SSH2: variants seen among roughly 807,000 people sequenced by gnomAD.
SSH2 encodes the protein protein phosphatase Slingshot homolog 2.
Under a neutral mutation model 135.2 loss-of-function variants are expected in SSH2, and 37 were observed. The observed-to-expected ratio is 0.27, with a 90% confidence interval of 0.21 to 0.36. The LOEUF (loss-of-function observed/expected upper bound fraction) is 0.36. SSH2 is among the 10% of genes least tolerant of loss of function. The probability of loss-of-function intolerance (pLI) is 1.00; values close to 1 mark genes in which losing one functional copy is unlikely to be tolerated. For synonymous variants in SSH2, 628 were observed against 646.2 expected (o/e 0.97, Z 0.43); for missense variants, 1,408 against 1,765.3 (o/e 0.80, Z 3.63).
chr17:29,708,603 A>C (rs1195753355), intron 3 of SSH2, among the ~76,000 whole-genome samples: 3 of 151,136 alleles, frequency 2.0e-5, no homozygotes, highest in African/African-American at 4.9e-5. Context: ...AAAAAAAAAA[A>C]AAAACAAACA....
At chr17:29,828,158 C>T (rs1337971201) in intron 2 of SSH2, among the ~76,000 whole-genome samples, 3 of 152,196 alleles carry the variant, frequency 2.0e-5, no homozygotes, top group Non-Finnish European at 2.9e-5. Flanking sequence ...GTGAACCCTG[C>T]CATCACAGGA....
intron 3 of SSH2, among the ~76,000 whole-genome samples, chr17:29,706,254 TCAGA>T (rs1160716579): frequency 6.6e-6 from 1 of 152,230 alleles, no homozygotes; most frequent in Non-Finnish European, 1.5e-5. Context: ...TATAATGTTA[TCAGA>T]CATTGATTCA....
chr17:29,877,959 C>T (rs1349873218), intron 1 of SSH2, among the ~76,000 whole-genome samples: 3 of 151,764 alleles, frequency 2.0e-5, no homozygotes, highest in Admixed American at 1.3e-4. Context: ...GTGGCTTGTG[C>T]CTGTAGTCCC....
rs185954756 is a variant in SSH2 at position 29,819,979 on chromosome 17, T to C, written c.145-26042A>G. Among the ~76,000 whole-genome samples, 345 of 152,342 alleles carry C rather than the reference T, an allele frequency of 2.3e-3. 1 individual carries two copies. Among genetic ancestry groups the C allele is most frequent in the African/African-American group, 7.1e-3 (295 of 41,584 alleles). On this transcript the variant is annotated intron_variant, in intron 2 of 15. Transcript: ENST00000540801. ...AAAATATTTTCATATAAGTAAAATATAAGAAATATTTAAAAACATTTTTCC... is the reference window on the plus strand; with the variant it reads ...AAAATATTTTCATATAAGTAAAATACAAGAAATATTTAAAAACATTTTTCC...
intron 1 of SSH2, among the ~76,000 whole-genome samples, chr17:29,860,675 A>C (rs1381341357): frequency 1.4e-5 from 2 of 146,982 alleles, no homozygotes; most frequent in Non-Finnish European, 3.0e-5. Flanking sequence ...CAAGTGATCC[A>C]CCTGCCTCGG....
Position 29,636,400 on chromosome 17 carries a change from TG to T in SSH2, c.1829del (p.Pro610GlnfsTer10). On this transcript the variant is annotated frameshift_variant, in exon 15 of 16. Coordinates refer to ENST00000540801, the MANE Select transcript of SSH2 (RefSeq NM_001282129.2). LOFTEE classifies it high-confidence loss of function. Reference protein sequence around the residue: ...SKALIQPGHVPEMANKFPDLT... With the variant: ...SKALIQPGHVXEMANKFPDLT... Reference sequence around the variant, plus strand: ...AGTCTGGAAACTTGTTGGCCATTTCTGGGACATGTCCAGGCTGAATTAAGGC... The same window carrying T: ...AGTCTGGAAACTTGTTGGCCATTTCTGGACATGTCCAGGCTGAATTAAGGC... 1 of 1,614,242 alleles carries T rather than the reference TG, an allele frequency of 6.2e-7. No homozygotes were observed. The highest frequency in any genetic ancestry group is 8.5e-7 in the Non-Finnish European group (1 of 1,180,038).
At chr17:29,817,781 G>T (rs954780144) in intron 2 of SSH2, among the ~76,000 whole-genome samples, 14 of 152,016 alleles carry the variant, frequency 9.2e-5, no homozygotes, top group Admixed American at 6.6e-5. Flanking sequence ...ATTTGAGTAG[G>T]GGTCTCGTTC....
intron 11 of SSH2, among the ~76,000 whole-genome samples, chr17:29,663,437 T>A (rs2151026416): frequency 6.6e-6 from 1 of 152,322 alleles, no homozygotes; most frequent in South Asian, 2.1e-4. Context: ...GGACATAGGA[T>A]ATGGCAGTGT....
intron 14 of SSH2, among the ~76,000 whole-genome samples, chr17:29,637,735 T>C (rs1318666437): frequency 3.3e-5 from 5 of 151,930 alleles, no homozygotes; most frequent in African/African-American, 4.8e-5. Context: ...TGAGCTGAGA[T>C]TGTGCCACTG....
chr17:29,853,780 G>A (rs1328669637), intron 1 of SSH2, among the ~76,000 whole-genome samples: 1 of 151,684 alleles, frequency 6.6e-6, no homozygotes, highest in East Asian at 1.9e-4. Context: ...TGGAAAGACT[G>A]TATGAGAGAT....
chr17:29,754,502 T>C (rs1167392362), intron 3 of SSH2, among the ~76,000 whole-genome samples: 1 of 152,180 alleles, frequency 6.6e-6, no homozygotes, highest in Non-Finnish European at 1.5e-5. Flanking sequence ...TTCTAGGAAG[T>C]CAAGTTCATA....
chr17:29,761,076 G>T, intron 3 of SSH2: 1 of 1,267,722 alleles, frequency 7.9e-7, no homozygotes, highest in Non-Finnish European at 1.0e-6. Flanking sequence ...TCCCCAGGAT[G>T]CTGGGGAAAG....
chr17:29,897,555 A>T (rs2066468114), intron 1 of SSH2, among the ~76,000 whole-genome samples: 1 of 152,216 alleles, frequency 6.6e-6, no homozygotes, highest in South Asian at 2.1e-4. Context: ...TGGTAAAGGG[A>T]TCAGTTCAAC....
intron 3 of SSH2, among the ~76,000 whole-genome samples, chr17:29,789,950 A>T (rs1234582192): frequency 6.6e-6 from 1 of 152,146 alleles, no homozygotes; most frequent in East Asian, 1.9e-4. Flanking sequence ...ACCTGGTTTC[A>T]CAGGTTCACA....
At chr17:29,879,479 A>G (rs2066098047) in intron 1 of SSH2, among the ~76,000 whole-genome samples, 1 of 151,772 alleles carries the variant, frequency 6.6e-6, no homozygotes, top group East Asian at 1.9e-4. Flanking sequence ...CTGCCTCCAC[A>G]CATGCATATA....
At chr17:29,842,453 CAAAAAA>C (rs372367860) in intron 2 of SSH2, among the ~76,000 whole-genome samples, 2 of 117,788 alleles carry the variant, frequency 1.7e-5, no homozygotes, top group Non-Finnish European at 1.7e-5. Context: ...GACTCAGTGT[CAAAAAA>C]AAAAAAAAAA....
At chr17:29,785,805 CTTTTTTT>C (rs748367220) in intron 3 of SSH2, among the ~76,000 whole-genome samples, 8 of 125,114 alleles carry the variant, frequency 6.4e-5, no homozygotes, top group African/African-American at 2.4e-4. Context: ...AGTCCGTTTA[CTTTTTTT>C]TTTTTTTTTT....
chr17:29,779,472 C>A (rs2041787990), intron 3 of SSH2, among the ~76,000 whole-genome samples: 1 of 152,130 alleles, frequency 6.6e-6, no homozygotes, highest in South Asian at 2.1e-4. Flanking sequence ...GCAGATAGTT[C>A]TCTATTCTGT....
chr17:29,657,377 C>A (rs1020909684), intron 11 of SSH2, among the ~76,000 whole-genome samples: 2 of 151,880 alleles, frequency 1.3e-5, no homozygotes, highest in Non-Finnish European at 2.9e-5. Flanking sequence ...TCAAGCGATT[C>A]TCCTGCCTCA....
Sources: gnomAD v4.1 joint callset for allele counts (sites outside exome capture counted in the v4.1 genomes callset) on GRCh38, gnomAD v4.1.1 for gene constraint, MANE v1.5 for transcripts, NCBI Gene and HGNC (gene_info 2026-07-23, HGNC 2026-07-21) for gene names.